Variants in ZEB2 observed in about 807,000 individuals in gnomAD.
The protein encoded by ZEB2 is zinc finger E-box binding homeobox 2.
ZEB2 carries 6 observed loss-of-function variants against 99.9 expected under a neutral mutation model. The ratio of observed to expected loss-of-function variants is 0.06; its 90% CI spans 0.03 to 0.12. The LOEUF is 0.12. Among genes scored for constraint, ZEB2 ranks in the 10% least tolerant of loss-of-function variants. The pLI is 1.00. For synonymous variants in ZEB2, 517 were observed against 542.5 expected, an observed-to-expected ratio of 0.95 and a Z score of 0.65; for missense variants, 969 against 1,502.8, an observed-to-expected ratio of 0.64 and a Z score of 5.87.
At chr2:144,415,544 C>A (rs1423344132) in intron 4 of ZEB2, among the ~76,000 whole-genome samples, 1 of 152,182 alleles carries the variant, frequency 6.6e-6, no homozygotes, top group Non-Finnish European at 1.5e-5. Flanking sequence ...CTGATAATAA[C>A]CCATCCCTTA....
intron 2 of ZEB2, among the ~76,000 whole-genome samples, chr2:144,467,633 C>T (rs989655322): frequency 1.3e-5 from 2 of 152,114 alleles, no homozygotes; most frequent in Non-Finnish European, 2.9e-5. Context: ...TTCATTCATC[C>T]ACTTCTGCAT....
At chr2:144,482,673 T>A (rs1704529764) in intron 2 of ZEB2, among the ~76,000 whole-genome samples, 1 of 152,164 alleles carries the variant, frequency 6.6e-6, no homozygotes, top group Non-Finnish European at 1.5e-5. Context: ...CTCTCCTACC[T>A]CTGTCCTAAA....
At chr2:144,402,481 A>G (rs1232211242) in intron 6 of ZEB2, among the ~76,000 whole-genome samples, 1 of 152,170 alleles carries the variant, frequency 6.6e-6, no homozygotes, top group African/African-American at 2.4e-5. Context: ...TGAGTTGCAT[A>G]AACAAACAGC....
chr2:144,519,076 T>A (rs1370637815), intron 1 of ZEB2, among the ~76,000 whole-genome samples: 19 of 152,218 alleles, frequency 1.2e-4, no homozygotes, highest in Admixed American at 1.2e-3. Flanking sequence ...TCCTGCTATC[T>A]CTCTCTCGAC....
chr2:144,402,612 G>A (rs575187328), intron 6 of ZEB2, among the ~76,000 whole-genome samples: 1 of 152,188 alleles, frequency 6.6e-6, no homozygotes, highest in Non-Finnish European at 1.5e-5. Flanking sequence ...GCAAATGAGG[G>A]GACTTTTCAA....
chr2:144,500,136 A>C (rs1461026357), intron 2 of ZEB2, among the ~76,000 whole-genome samples: 1 of 152,232 alleles, frequency 6.6e-6, no homozygotes, highest in African/African-American at 2.4e-5. Flanking sequence ...ACTGAAATTA[A>C]CACTGATTCT....
At position 144,388,946 on chromosome 2, in the gene ZEB2, AT is replaced by A. The variant is rs1703117591; in HGVS notation, c.*504del. On this transcript the variant is annotated 3_prime_UTR_variant, in exon 10 of 10. Coordinates refer to ENST00000627532, the MANE Select transcript of ZEB2 (RefSeq NM_014795.4). The surrounding 1 kb of genome is among the most constrained non-coding windows in gnomAD (Gnocchi z 5.4). The stretch of plus-strand genomic sequence containing the variant: ...GTGGTTACTTAAGCTGAAAAAAAAA[AT>A]GGGAAATTGATGAATAGCGAAAGGA... The A allele has an allele frequency of 6.7e-6, 3 of 449,866 alleles. No individual in the cohort carries two copies. The highest frequency in any genetic ancestry group is 2.6e-5 in the Admixed American group (1 of 38,568). The allele number at this position is 449,866 out of a possible 1,614,324, so 27.9% of individuals were successfully genotyped here.
intron 2 of ZEB2, among the ~76,000 whole-genome samples, chr2:144,451,741 T>C (rs1434905903): frequency 3.9e-5 from 6 of 152,266 alleles, no homozygotes; most frequent in Non-Finnish European, 8.8e-5. Flanking sequence ...AGAAAGTTTA[T>C]ATTCAAATAA....
At position 144,385,004 on chromosome 2, in the gene ZEB2, T is replaced by G. The variant is rs767596067; in HGVS notation, c.*4447A>C. ...TACACCAATATGATTTGTGATGTGTTCACATATATGTCATAATATTTATTA... is the reference window on the plus strand; with the variant it reads ...TACACCAATATGATTTGTGATGTGTGCACATATATGTCATAATATTTATTA... On this transcript the variant is annotated 3_prime_UTR_variant, in exon 10 of 10. Transcript: ENST00000627532. The G allele has an allele frequency of 6.6e-6, 1 of 152,192 alleles. No homozygotes were observed. Among genetic ancestry groups the G allele is most frequent in the Non-Finnish European group, 1.5e-5 (1 of 68,022 alleles). 9.4% of individuals were successfully genotyped at this position (152,192 alleles called of 1,614,324 possible).
In ZEB2 at chr2:144,387,910, A is replaced by T. The variant is rs1008710167; in HGVS notation, c.*1541T>A. 2 of 152,580 alleles carry T rather than the reference A, an allele frequency of 1.3e-5. No homozygotes were observed. The highest frequency in any genetic ancestry group is 4.8e-5 in the African/African-American group (2 of 41,470). 9.5% of individuals were successfully genotyped at this position (152,580 alleles called of 1,614,324 possible). On this transcript the variant is annotated 3_prime_UTR_variant, in exon 10 of 10. Coordinates refer to ENST00000627532, the MANE Select transcript of ZEB2 (RefSeq NM_014795.4). ...TCAAAATTATTGCTAAACTAAAATT[A>T]TATGAAAAAAACATAATTAGCATTA...
chr2:144,435,224 AC>A (rs1703821891), intron 2 of ZEB2, among the ~76,000 whole-genome samples: 1 of 151,938 alleles, frequency 6.6e-6, no homozygotes, highest in African/African-American at 2.4e-5. Flanking sequence ...GATGAGAGAG[AC>A]CATGCCTAAT....
At chr2:144,444,947 T>C (rs546591076) in intron 2 of ZEB2, 6 of 152,306 alleles carry the variant, frequency 3.9e-5, no homozygotes, top group African/African-American at 1.4e-4. Flanking sequence ...TGATAATTAG[T>C]AGTCACTGAC....
rs756778602 is a variant in ZEB2 at position 144,399,753 on chromosome 2, G to C, written c.1434C>G (p.Cys478Trp). 1 of 1,613,892 alleles carries C rather than the reference G, an allele frequency of 6.2e-7. No individual in the cohort carries two copies. The highest frequency in any genetic ancestry group is 8.5e-7 in the Non-Finnish European group (1 of 1,179,908). Reference protein sequence around the residue: ...DNTVSRQKMDCKAEEISKLKG... With the variant: ...DNTVSRQKMDWKAEEISKLKG... ...TCAACTTTGAAATTTCTTCAGCCTTGCAGTCCATTTTTTGCCTGGAAACAG... is the reference window on the plus strand; with the variant it reads ...TCAACTTTGAAATTTCTTCAGCCTTCCAGTCCATTTTTTGCCTGGAAACAG... Residue 478 changes from cysteine (C) to tryptophan (W), a missense_variant, in exon 8 of 10, where the codon TGC (cysteine) becomes TGG (tryptophan). By Grantham distance (215) the Cys-to-Trp change is radical. Transcript: ENST00000627532. The surrounding 1 kb of genome is among the most constrained non-coding windows in gnomAD (Gnocchi z 5.6).
chr2:144,518,882 G>T (rs565258987), intron 1 of ZEB2: 2 of 152,294 alleles, frequency 1.3e-5, no homozygotes, highest in South Asian at 4.1e-4. Flanking sequence ...AGTTTTATGG[G>T]CATGTGTGTG....
At chr2:144,456,550 G>GA (rs1029767378) in intron 2 of ZEB2, among the ~76,000 whole-genome samples, 1 of 151,870 alleles carries the variant, frequency 6.6e-6, no homozygotes, top group African/African-American at 2.4e-5. Flanking sequence ...TCACATGGGG[G>GA]ACTTCCACAA....
Position 144,405,058 on chromosome 2 carries a change from C to T in ZEB2, c.404-34G>A, listed in dbSNP as rs566567407. Reference sequence around the variant, plus strand: ...ATAAAAGGAGAAGAAATGTTGTTTCCGGGCCTTCTTCCTAGGATCCCAAGT... The same window carrying T: ...ATAAAAGGAGAAGAAATGTTGTTTCTGGGCCTTCTTCCTAGGATCCCAAGT... On this transcript the variant is annotated intron_variant, in intron 4 of 9. Coordinates refer to ENST00000627532, the MANE Select transcript of ZEB2 (RefSeq NM_014795.4). 4.0e-5 allele frequency: 64 copies of T among 1,603,626 alleles called. No individual in the cohort carries two copies. The Middle Eastern group carries it at 6.6e-4, about 17-fold the overall frequency.
In ZEB2 at chr2:144,389,319, C is replaced by A; in HGVS notation, c.*132G>T. 9.2e-7 allele frequency: 1 copy of A among 1,091,390 alleles called. No homozygotes were observed. The highest frequency in any genetic ancestry group is 1.4e-6 in the Non-Finnish European group (1 of 722,714). The allele number at this position is 1,091,390 out of a possible 1,614,324, so 67.6% of individuals were successfully genotyped here. A position where few individuals can be genotyped will look rare whatever the true frequency, so the allele number is the denominator to read the frequency against. On this transcript the variant is annotated 3_prime_UTR_variant, in exon 10 of 10. Coordinates refer to ENST00000627532, the MANE Select transcript of ZEB2 (RefSeq NM_014795.4). This position sits in a 1 kb window ranked among gnomAD's most constrained non-coding sequence, Gnocchi z 6.8. Reference sequence around the variant, plus strand: ...GTCTACATCTGTCTTGGCTGAACCGCCCCTTCTGTCCCTCTCTACAGCTTC... The same window carrying A: ...GTCTACATCTGTCTTGGCTGAACCGACCCTTCTGTCCCTCTCTACAGCTTC...
At chr2:144,410,770 T>C (rs1204753540) in intron 4 of ZEB2, among the ~76,000 whole-genome samples, 2 of 151,968 alleles carry the variant, frequency 1.3e-5, no homozygotes, top group African/African-American at 4.8e-5. Context: ...TGGAAGAAAA[T>C]TGAATATTAT....
At chr2:144,424,432 A>G (rs768860357) in intron 4 of ZEB2, 4 of 529,404 alleles carry the variant, frequency 7.6e-6, no homozygotes, top group East Asian at 5.3e-5. Flanking sequence ...TCAACGACTG[A>G]TATCAAGTGG....
Sources: allele counts gnomAD v4.1 joint callset (sites outside exome capture counted in the v4.1 genomes callset), GRCh38; gene constraint gnomAD v4.1.1; non-coding constraint Gnocchi (gnomAD v3.1); transcripts MANE v1.5; gene names NCBI Gene and HGNC (gene_info 2026-07-23, HGNC 2026-07-21).